SEMA5A: variants seen among roughly 807,000 people sequenced by gnomAD.
SEMA5A encodes semaphorin 5A.
In SEMA5A, 55 loss-of-function variants were observed where a neutral mutation model predicts 135.5. That is an observed-to-expected ratio of 0.41 (90% CI 0.33 to 0.51). The LOEUF (loss-of-function observed/expected upper bound fraction) is 0.51, where lower values mean the gene tolerates loss of function less well. Ranked by LOEUF, SEMA5A falls within the 20% of genes least tolerant of loss-of-function variation. The pLI, the probability that SEMA5A is intolerant of heterozygous loss-of-function variation, is 0.37. For synonymous variants in SEMA5A, 580 were observed against 546.5 expected (o/e 1.06, Z -0.85); for missense variants, 1,290 against 1,419.9 (o/e 0.91, Z 1.47).
intron 3 of SEMA5A, among the ~76,000 whole-genome samples, chr5:9,350,555 T>C (rs1350677676): frequency 2.0e-5 from 3 of 152,234 alleles, no homozygotes; most frequent in African/African-American, 2.4e-5. Context: ...AGGCTGCATC[T>C]GGTTGACTTC....
chr5:9,278,006 A>C (rs1438197210), intron 5 of SEMA5A, among the ~76,000 whole-genome samples: 1 of 152,034 alleles, frequency 6.6e-6, no homozygotes, highest in Non-Finnish European at 1.5e-5. Context: ...TTATCAATAG[A>C]CCCAGAAAAA....
chr5:9,280,258 T>G (rs1750470754), intron 5 of SEMA5A, among the ~76,000 whole-genome samples: 1 of 152,246 alleles, frequency 6.6e-6, no homozygotes, highest in African/African-American at 2.4e-5. Context: ...AGATTCCATT[T>G]GTTAATAAAT....
chr5:9,456,090 C>T (rs988289573), intron 1 of SEMA5A, among the ~76,000 whole-genome samples: 1 of 152,178 alleles, frequency 6.6e-6, no homozygotes, highest in Non-Finnish European at 1.5e-5. Context: ...TTCAGAGAGG[C>T]CTGCAGCTAC....
intron 2 of SEMA5A, among the ~76,000 whole-genome samples, chr5:9,432,640 C>A (rs867754217): frequency 1.3e-5 from 2 of 152,138 alleles, no homozygotes; most frequent in African/African-American, 2.4e-5. Flanking sequence ...TCTCAAAAAG[C>A]GAGATCTAGA....
chr5:9,532,440 CTT>C (rs4045370), intron 1 of SEMA5A, among the ~76,000 whole-genome samples: 19,398 of 125,234 alleles, frequency 0.15, 1,284 homozygotes, highest in African/African-American at 0.31. Context: ...TAATTTTTTT[CTT>C]TTTTTTTTTT....
At chr5:9,497,132 A>G (rs903861124) in intron 1 of SEMA5A, among the ~76,000 whole-genome samples, 4 of 152,190 alleles carry the variant, frequency 2.6e-5, no homozygotes, top group Admixed American at 2.6e-4. Flanking sequence ...TTATAGGGAC[A>G]TGGTATTTCT....
At chr5:9,409,998 T>C (rs1757043747) in intron 2 of SEMA5A, among the ~76,000 whole-genome samples, 1 of 152,108 alleles carries the variant, frequency 6.6e-6, no homozygotes, top group African/African-American at 2.4e-5. Flanking sequence ...GTATCTTCTA[T>C]GAAAATACCT....
At chr5:9,220,224 G>A (rs1470655266) in intron 8 of SEMA5A, among the ~76,000 whole-genome samples, 1 of 152,120 alleles carries the variant, frequency 6.6e-6, no homozygotes, top group Non-Finnish European at 1.5e-5. Context: ...CAGGGGAGTG[G>A]GGGATAAAAG....
chr5:9,212,214 A>G (rs1489855898), intron 8 of SEMA5A, among the ~76,000 whole-genome samples: 1 of 152,216 alleles, frequency 6.6e-6, no homozygotes, highest in African/African-American at 2.4e-5. Flanking sequence ...TCACCTTTTC[A>G]TGGGTTTATT....
intron 3 of SEMA5A, among the ~76,000 whole-genome samples, chr5:9,357,782 G>A (rs940131949): frequency 1.3e-5 from 2 of 152,210 alleles, no homozygotes; most frequent in African/African-American, 4.8e-5. Flanking sequence ...CCCATGTGAA[G>A]ATGAGGGGCC....
At chr5:9,484,686 G>A (rs1760010412) in intron 1 of SEMA5A, among the ~76,000 whole-genome samples, 1 of 152,206 alleles carries the variant, frequency 6.6e-6, no homozygotes, top group Non-Finnish European at 1.5e-5. Context: ...CATTGAAGGT[G>A]TAATTAAGAA....
intron 3 of SEMA5A, among the ~76,000 whole-genome samples, chr5:9,365,419 A>C (rs1409160011): frequency 6.6e-6 from 1 of 152,204 alleles, no homozygotes; most frequent in Non-Finnish European, 1.5e-5. Context: ...GGGGCTCGGC[A>C]GGAGACTGTA....
chr5:9,269,069 G>A (rs1749833300), intron 5 of SEMA5A, among the ~76,000 whole-genome samples: 1 of 152,124 alleles, frequency 6.6e-6, no homozygotes, highest in Non-Finnish European at 1.5e-5. Flanking sequence ...GCATCCCTCT[G>A]CAACAACACA....
intron 5 of SEMA5A, among the ~76,000 whole-genome samples, chr5:9,251,838 C>A (rs1748808962): frequency 6.6e-6 from 1 of 152,170 alleles, no homozygotes; most frequent in South Asian, 2.1e-4. Flanking sequence ...ATGGCTGGTA[C>A]TCTTCTGCCC....
chr5:9,454,221 G>T (rs1402708198), intron 1 of SEMA5A, among the ~76,000 whole-genome samples: 1 of 152,206 alleles, frequency 6.6e-6, no homozygotes, highest in East Asian at 1.9e-4. Context: ...AGGAGGCTCT[G>T]GCTGTGACTC....
At chr5:9,167,379 A>G (rs1454575374) in intron 11 of SEMA5A, among the ~76,000 whole-genome samples, 1 of 152,200 alleles carries the variant, frequency 6.6e-6, no homozygotes, top group African/African-American at 2.4e-5. Context: ...CCAAAACTGG[A>G]AACTCAATGT....
intron 16 of SEMA5A, among the ~76,000 whole-genome samples, chr5:9,107,223 G>A (rs934392212): frequency 7.2e-5 from 11 of 152,192 alleles, no homozygotes; most frequent in Non-Finnish European, 1.6e-4. Context: ...CAGCACCAGA[G>A]GCAGGTGAGT....
intron 11 of SEMA5A, among the ~76,000 whole-genome samples, chr5:9,178,150 C>G (rs1394144175): frequency 1.3e-5 from 2 of 151,992 alleles, no homozygotes; most frequent in Admixed American, 6.6e-5. Context: ...ATCTCATTAT[C>G]CAAGTTAAAT....
At chr5:9,354,609 C>A (rs1754363661) in intron 3 of SEMA5A, among the ~76,000 whole-genome samples, 1 of 152,134 alleles carries the variant, frequency 6.6e-6, no homozygotes, top group Non-Finnish European at 1.5e-5. Context: ...TGTGCCTGGT[C>A]CTGCTGTAGA....
Sources: allele counts gnomAD v4.1 joint callset (sites outside exome capture counted in the v4.1 genomes callset), GRCh38; gene constraint gnomAD v4.1.1; transcripts MANE v1.5; gene names NCBI Gene and HGNC (gene_info 2026-07-23, HGNC 2026-07-21).